The following PLCB1 variants were observed in gnomAD, a reference collection of about 807,000 sequenced individuals.
PLCB1 encodes 1-phosphatidylinositol 4,5-bisphosphate phosphodiesterase beta-1.
Under a neutral mutation model 161.8 loss-of-function variants are expected in PLCB1, and 46 were observed. That is an observed-to-expected ratio of 0.28 (90% CI 0.22 to 0.36). The LOEUF (loss-of-function observed/expected upper bound fraction) is 0.36, where lower values mean the gene tolerates loss of function less well. PLCB1 is among the 10% of genes least tolerant of loss of function. The pLI, the probability that PLCB1 is intolerant of heterozygous loss-of-function variation, is 1.00. For missense variants in PLCB1, 1,016 were observed against 1,472.5 expected (o/e 0.69, Z 5.07); for synonymous variants, 517 against 503.7 (o/e 1.03, Z -0.35).
chr20:8,550,804 A>G (rs1433398420), intron 3 of PLCB1, among the ~76,000 whole-genome samples: 3 of 152,176 alleles, frequency 2.0e-5, no homozygotes, highest in African/African-American at 4.8e-5. Flanking sequence ...ACTCCTAGCA[A>G]CAACTCCTAA....
At chr20:8,481,653 G>C (rs1221816395) in intron 3 of PLCB1, among the ~76,000 whole-genome samples, 1 of 151,876 alleles carries the variant, frequency 6.6e-6, no homozygotes, top group African/African-American at 2.4e-5. Flanking sequence ...TTACCATTTT[G>C]GGGGGGAATT....
intron 3 of PLCB1, among the ~76,000 whole-genome samples, chr20:8,523,496 C>CTCTCTCTCTCTCTATATATA: frequency 4.3e-4 from 22 of 51,652 alleles, no homozygotes; most frequent in East Asian, 2.0e-3. Context: ...CTCTCTCTCT[C>CTCTCTCTCTCTCTATATATA]TATATATATA....
chr20:8,731,396 T>C (rs1413973818), intron 18 of PLCB1, among the ~76,000 whole-genome samples: 1 of 151,810 alleles, frequency 6.6e-6, no homozygotes, highest in African/African-American at 2.4e-5. Flanking sequence ...GTCACCTCCT[T>C]GTCTATCAAA....
chr20:8,148,769 A>C (rs1489847308), intron 1 of PLCB1, among the ~76,000 whole-genome samples: 1 of 152,234 alleles, frequency 6.6e-6, no homozygotes, highest in African/African-American at 2.4e-5. Context: ...TTAGGACTTT[A>C]TGCCAAATAA....
At chr20:8,707,350 G>A (rs1978743151) in intron 11 of PLCB1, among the ~76,000 whole-genome samples, 1 of 152,006 alleles carries the variant, frequency 6.6e-6, no homozygotes. Flanking sequence ...AATAGGAGTG[G>A]AAATCCCTAT....
intron 3 of PLCB1, among the ~76,000 whole-genome samples, chr20:8,542,574 T>A (rs192610049): frequency 6.6e-6 from 1 of 152,268 alleles, no homozygotes; most frequent in African/African-American, 2.4e-5. Flanking sequence ...TGACTAGAAA[T>A]GTTGAGAGCG....
intron 1 of PLCB1, among the ~76,000 whole-genome samples, chr20:8,135,731 T>G (rs1353912137): frequency 1.3e-5 from 2 of 152,202 alleles, no homozygotes; most frequent in Non-Finnish European, 2.9e-5. Context: ...GAACTTGGCA[T>G]GAAGATAAAG....
chr20:8,708,072 T>C (rs1324221498), intron 11 of PLCB1, among the ~76,000 whole-genome samples: 1 of 152,074 alleles, frequency 6.6e-6, no homozygotes, highest in African/African-American at 2.4e-5. Context: ...TGGTTTCTTT[T>C]TGAGGCGATA....
chr20:8,647,650 A>G (rs1285232558), intron 5 of PLCB1, among the ~76,000 whole-genome samples: 1 of 152,216 alleles, frequency 6.6e-6, no homozygotes, highest in African/African-American at 2.4e-5. Context: ...AACAGGCAAA[A>G]GTAATCTATG....
chr20:8,668,763 C>A (rs1989875768), intron 9 of PLCB1, among the ~76,000 whole-genome samples: 1 of 152,180 alleles, frequency 6.6e-6, no homozygotes, highest in African/African-American at 2.4e-5. Context: ...GATGCAGATA[C>A]AAGTCCAGCC....
Position 8,409,012 on chromosome 20 carries a change from A to G in PLCB1, c.246+37562A>G, listed in dbSNP as rs191931146. Among the ~76,000 whole-genome samples, 7 of 152,308 alleles carry G rather than the reference A, an allele frequency of 4.6e-5. No homozygotes were observed. The East Asian group carries it at 1.3e-3, about 29-fold the overall frequency. On this transcript the variant is annotated intron_variant, in intron 3 of 31. Transcript: ENST00000338037. Reference sequence around the variant, plus strand: ...TTCAGTATTTTACATGGTATTCAACATTGTAATTTAAACATTTCGTTTAGA... The same window carrying G: ...TTCAGTATTTTACATGGTATTCAACGTTGTAATTTAAACATTTCGTTTAGA...
At chr20:8,341,996 A>G (rs112679244) in intron 2 of PLCB1, among the ~76,000 whole-genome samples, 3 of 151,124 alleles carry the variant, frequency 2.0e-5, no homozygotes, top group African/African-American at 7.3e-5. Flanking sequence ...CATTGACAGA[A>G]AAAAAAAAAC....
intron 23 of PLCB1, among the ~76,000 whole-genome samples, chr20:8,756,635 A>G (rs868036241): frequency 2.0e-5 from 3 of 152,142 alleles, no homozygotes; most frequent in African/African-American, 7.2e-5. Context: ...GCTCTCTTCC[A>G]GAAGAGCTGG....
At chr20:8,482,974 G>A (rs1230749785) in intron 3 of PLCB1, among the ~76,000 whole-genome samples, 6 of 151,662 alleles carry the variant, frequency 4.0e-5, no homozygotes, top group Non-Finnish European at 2.9e-5. Context: ...GGAAATGATG[G>A]TGGGAAAAAA....
Position 8,577,082 on chromosome 20 carries a change from A to T in PLCB1, c.247-51212A>T, listed in dbSNP as rs558412915. ...TTGACGACAAGTTGCATTAATAAAA[A>T]ACCAACAATCAAGTCATGTATTATT... On this transcript the variant is annotated intron_variant, in intron 3 of 31. Transcript: ENST00000338037. Among the ~76,000 whole-genome samples the T allele has an allele frequency of 2.0e-5, 3 of 152,266 alleles. No homozygotes were observed. In the South Asian group the frequency reaches 6.2e-4, roughly 32 times the overall value.
chr20:8,604,365 C>G (rs929253493), intron 3 of PLCB1, among the ~76,000 whole-genome samples: 28 of 151,296 alleles, frequency 1.9e-4, no homozygotes, highest in African/African-American at 6.6e-4. Flanking sequence ...TTTAGATATG[C>G]CAGTCTAAAG....
At chr20:8,645,373 A>T (rs1367600957) in intron 4 of PLCB1, among the ~76,000 whole-genome samples, 2 of 152,242 alleles carry the variant, frequency 1.3e-5, no homozygotes. Context: ...CAACAATATC[A>T]GATGATGACC....
chr20:8,194,506 A>G (rs966040394), intron 2 of PLCB1, among the ~76,000 whole-genome samples: 12 of 152,048 alleles, frequency 7.9e-5, no homozygotes, highest in Non-Finnish European at 1.5e-4. Context: ...CAGAATCTCA[A>G]TCATGGACTT....
At chr20:8,223,045 T>C (rs1244914180) in intron 2 of PLCB1, among the ~76,000 whole-genome samples, 1 of 152,206 alleles carries the variant, frequency 6.6e-6, no homozygotes, top group African/African-American at 2.4e-5. Context: ...CTTCCACTGA[T>C]AGGTAAATGT....
Sources: gnomAD v4.1 joint callset for allele counts (sites outside exome capture counted in the v4.1 genomes callset) on GRCh38, gnomAD v4.1.1 for gene constraint, MANE v1.5 for transcripts, NCBI Gene and HGNC (gene_info 2026-07-23, HGNC 2026-07-21) for gene names.